PIP5K1B: variants seen among roughly 807,000 people sequenced by gnomAD.
PIP5K1B encodes phosphatidylinositol 4-phosphate 5-kinase type-1 beta.
Under a neutral mutation model 67.0 loss-of-function variants are expected in PIP5K1B, and 42 were observed. The ratio of observed to expected loss-of-function variants is 0.63; its 90% confidence interval spans 0.49 to 0.81. PIP5K1B has a LOEUF of 0.81. PIP5K1B is among the 30% of genes least tolerant of loss of function. PIP5K1B has a pLI of 0.00. For synonymous variants in PIP5K1B, 214 were observed against 231.4 expected (o/e 0.92, Z 0.68); for missense variants, 459 against 646.3 (o/e 0.71, Z 3.14).
intron 2 of PIP5K1B, among the ~76,000 whole-genome samples, chr9:68,808,062 G>T (rs1260019458): frequency 6.6e-6 from 1 of 152,208 alleles, no homozygotes; most frequent in Non-Finnish European, 1.5e-5. Context: ...GCCTGGCGTG[G>T]TGGTGTGCAT....
chr9:68,781,049 C>G (rs1166525976), intron 2 of PIP5K1B: 1 of 1,599,498 alleles, frequency 6.3e-7, no homozygotes, highest in African/African-American at 1.3e-5. Context: ...CTGAGACTTT[C>G]TTTTTGCAGT....
chr9:68,705,474 C>T lies in PIP5K1B; in HGVS notation c.-531C>T, dbSNP rs966434118. 6 of 151,410 alleles carry T rather than the reference C, an allele frequency of 4.0e-5. No homozygotes were observed. The highest frequency in any genetic ancestry group is 1.5e-4 in the African/African-American group (6 of 41,332). 9.4% of individuals were successfully genotyped at this position (151,410 alleles called of 1,614,324 possible). ...AGGGGAAAGCGGGGACACACACACT[C>T]GCCGCGGCGCGCGCGCACTGCACAC... On this transcript the variant is annotated 5_prime_UTR_variant, in exon 1 of 16. Coordinates refer to ENST00000265382, the MANE Select transcript of PIP5K1B (RefSeq NM_003558.4).
At chr9:68,735,856 C>G (rs936615631) in intron 1 of PIP5K1B, among the ~76,000 whole-genome samples, 1 of 152,220 alleles carries the variant, frequency 6.6e-6, no homozygotes, top group East Asian at 1.9e-4. Context: ...AGGGAGGAAG[C>G]AAGGGAATGA....
intron 4 of PIP5K1B, among the ~76,000 whole-genome samples, chr9:68,855,713 G>T (rs559974551): frequency 6.6e-6 from 1 of 152,112 alleles, no homozygotes; most frequent in Non-Finnish European, 1.5e-5. Flanking sequence ...TAAGCCATCA[G>T]TATCTCTATA....
intron 1 of PIP5K1B, among the ~76,000 whole-genome samples, chr9:68,738,369 A>G (rs1828845674): frequency 6.6e-6 from 1 of 152,224 alleles, no homozygotes; most frequent in Non-Finnish European, 1.5e-5. Flanking sequence ...AGTGAAAATG[A>G]CTTTTTAAGG....
chr9:68,769,710 G>A (rs1416326280), intron 2 of PIP5K1B, among the ~76,000 whole-genome samples: 2 of 151,320 alleles, frequency 1.3e-5, no homozygotes, highest in African/African-American at 2.4e-5. Context: ...TTGTATCATC[G>A]GTATTTTTCT....
chr9:68,939,478 G>T (rs952881685), intron 13 of PIP5K1B, among the ~76,000 whole-genome samples: 1 of 152,218 alleles, frequency 6.6e-6, no homozygotes, highest in African/African-American at 2.4e-5. Flanking sequence ...GAGAAGTTGG[G>T]ATCAAGAATA....
Position 68,757,431 on chromosome 9 carries a change from T to G in PIP5K1B, c.-86+14774T>G, listed in dbSNP as rs1357912684. Among the ~76,000 whole-genome samples, 12 of 152,124 alleles carry G rather than the reference T, an allele frequency of 7.9e-5. No homozygotes were observed. In the South Asian group the frequency reaches 2.3e-3, roughly 29 times the overall value. On this transcript the variant is annotated intron_variant, in intron 2 of 15. Coordinates refer to ENST00000265382, the MANE Select transcript of PIP5K1B (RefSeq NM_003558.4). ...GAGACCTAGTTTCATTAAACTTAGCTCTGGTTTATCGTGACTGAAGAGAAC... is the reference window on the plus strand; with the variant it reads ...GAGACCTAGTTTCATTAAACTTAGCGCTGGTTTATCGTGACTGAAGAGAAC...
intron 14 of PIP5K1B, chr9:68,966,830 G>A (rs1829059841): frequency 6.6e-6 from 1 of 152,210 alleles, no homozygotes; most frequent in Non-Finnish European, 1.5e-5. Flanking sequence ...TTGTTATAAT[G>A]TAAATGTTGG....
chr9:68,967,470 G>A (rs1829097724), intron 14 of PIP5K1B, among the ~76,000 whole-genome samples: 1 of 152,174 alleles, frequency 6.6e-6, no homozygotes, highest in Non-Finnish European at 1.5e-5. Context: ...AGAAACTGAA[G>A]TAGCAAAGGA....
intron 4 of PIP5K1B, among the ~76,000 whole-genome samples, chr9:68,842,509 A>G (rs888565049): frequency 1.3e-5 from 2 of 152,246 alleles, no homozygotes; most frequent in Non-Finnish European, 2.9e-5. Flanking sequence ...TGATGTGGAT[A>G]GCATATATGC....
intron 4 of PIP5K1B, chr9:68,843,341 C>G (rs937570953): frequency 1.3e-5 from 2 of 152,178 alleles, no homozygotes; most frequent in African/African-American, 4.8e-5. Context: ...CTTCCCTCAG[C>G]GCCATGTTCT....
intron 11 of PIP5K1B, among the ~76,000 whole-genome samples, chr9:68,922,118 A>T (rs1826435402): frequency 6.6e-6 from 1 of 152,192 alleles, no homozygotes; most frequent in Non-Finnish European, 1.5e-5. Flanking sequence ...TGTTGGAAGA[A>T]TGTGTCCACT....
At chr9:68,793,123 T>TAGTGTATGTGTATACACATAC (rs1237957820) in intron 2 of PIP5K1B, among the ~76,000 whole-genome samples, 2 of 152,112 alleles carry the variant, frequency 1.3e-5, no homozygotes, top group South Asian at 2.1e-4. Context: ...TATACACATA[T>TAGTGTATGTGTATACACATAC]AGTGTAAGGA....
chr9:68,790,368 A>C (rs191633944), intron 2 of PIP5K1B, among the ~76,000 whole-genome samples: 26 of 152,362 alleles, frequency 1.7e-4, no homozygotes, highest in African/African-American at 6.3e-4. Flanking sequence ...TCATACTATC[A>C]TGTCCCTACA....
At chr9:68,715,035 T>A (rs1827567268) in intron 1 of PIP5K1B, among the ~76,000 whole-genome samples, 1 of 152,146 alleles carries the variant, frequency 6.6e-6, no homozygotes, top group African/African-American at 2.4e-5. Flanking sequence ...TCTAAGCCTC[T>A]CCCAAAAGGC....
At chr9:68,943,704 T>C (rs996149427) in intron 14 of PIP5K1B, among the ~76,000 whole-genome samples, 1 of 152,210 alleles carries the variant, frequency 6.6e-6, no homozygotes, top group African/African-American at 2.4e-5. Context: ...ATATTGATGT[T>C]ATAATTTACA....
At chr9:69,000,988 C>T (rs959989193) in intron 15 of PIP5K1B, among the ~76,000 whole-genome samples, 1 of 151,784 alleles carries the variant, frequency 6.6e-6, no homozygotes, top group African/African-American at 2.4e-5. Flanking sequence ...ACCTCCACCT[C>T]CCAGGTTAAA....
At chr9:68,979,803 G>C (rs1030684657) in intron 14 of PIP5K1B, among the ~76,000 whole-genome samples, 4 of 152,170 alleles carry the variant, frequency 2.6e-5, no homozygotes, top group African/African-American at 9.7e-5. Context: ...TACCAGGAGA[G>C]AGCCTGCTGC....
Sources: gnomAD v4.1 joint callset for allele counts (sites outside exome capture counted in the v4.1 genomes callset) on GRCh38, gnomAD v4.1.1 for gene constraint, MANE v1.5 for transcripts, NCBI Gene and HGNC (gene_info 2026-07-23, HGNC 2026-07-21) for gene names.